The following ISX variants were observed in gnomAD, a reference collection of about 807,000 sequenced individuals.
The protein encoded by ISX is intestine-specific homeobox.
A neutral mutation model predicts 16.9 loss-of-function variants in ISX; 15 were observed. That is an observed-to-expected ratio of 0.89 (90% CI 0.59 to 1.36). The LOEUF (loss-of-function observed/expected upper bound fraction) is 1.36, where lower values mean the gene tolerates loss of function less well. Ranked by LOEUF, ISX falls within the 40% of genes most tolerant of loss-of-function variation. The probability of loss-of-function intolerance (pLI) is 0.00; values close to 1 mark genes in which losing one functional copy is unlikely to be tolerated. For missense variants in ISX, 316 were observed against 306.1 expected (o/e 1.03, Z -0.24); for synonymous variants, 125 against 119.7 (o/e 1.04, Z -0.29).
chr22:35,067,307 C>A lies in ISX; in HGVS notation c.220C>A (p.Gln74Lys). Residue 74 changes from glutamine (Q) to lysine (K), a missense_variant, in exon 2 of 5, where the codon CAG becomes AAG. By Grantham distance (53) the Gln-to-Lys change is moderately conservative. Coordinates refer to ENST00000404699, the MANE Select transcript of ISX (RefSeq NM_001303508.2). ...GSGLEKPPKD[Q>K]PQEGRKSKRR... Reference sequence around the variant, plus strand: ...TGGGCTAGAAAAGCCTCCAAAGGACCAGCCCCAGGGTAAGTGTCTTCTGAT... The same window carrying A: ...TGGGCTAGAAAAGCCTCCAAAGGACAAGCCCCAGGGTAAGTGTCTTCTGAT... 6.4e-7 allele frequency: 1 copy of A among 1,567,856 alleles called. No homozygotes were observed. Among genetic ancestry groups the A allele is most frequent in the Non-Finnish European group, 8.7e-7 (1 of 1,155,452 alleles).
chr22:35,074,182 A>G (rs1928924000), intron 2 of ISX, among the ~76,000 whole-genome samples: 1 of 152,186 alleles, frequency 6.6e-6, no homozygotes, highest in Non-Finnish European at 1.5e-5. Flanking sequence ...CAAGAGTTAC[A>G]TCAGCCTCCA....
At position 35,066,803 on chromosome 22, in the gene ISX, C is replaced by T; in HGVS notation, c.-285C>T. The T allele has an allele frequency of 2.6e-6, 1 of 386,848 alleles. No individual in the cohort carries two copies. Among genetic ancestry groups the T allele is most frequent in the Admixed American group, 4.0e-5 (1 of 24,900 alleles). The allele number at this position is 386,848 out of a possible 1,614,324, so 24.0% of individuals were successfully genotyped here. A position where few individuals can be genotyped will look rare whatever the true frequency, so the allele number is the denominator to read the frequency against. On this transcript the variant is annotated 5_prime_UTR_variant, in exon 2 of 5. Coordinates refer to ENST00000404699, the MANE Select transcript of ISX (RefSeq NM_001303508.2). Reference sequence around the variant, plus strand: ...GCAGGCAACTGTGTCCGAGAAGACCCTTCTCTGGAAGATTGAACCCCAATT... The same window carrying T: ...GCAGGCAACTGTGTCCGAGAAGACCTTTCTCTGGAAGATTGAACCCCAATT...
chr22:35,082,649 C>T lies in ISX; in HGVS notation c.361C>T (p.Leu121Phe). Residue 121 changes from leucine to phenylalanine, a missense_variant, in exon 3 of 5, where the codon CTC (leucine) becomes TTC (phenylalanine). Transcript: ENST00000404699. Reference sequence around the variant, plus strand: ...CAGCCAGCTGGCAGCCAGGATCAACCTCCCAGAAGCTCGGGTGCAGGTACA... The same window carrying T: ...CAGCCAGCTGGCAGCCAGGATCAACTTCCCAGAAGCTCGGGTGCAGGTACA... The part of the protein sequence containing the change: ...IRSQLAARIN[L>F]PEARVQIWFQ... 1 of 1,614,174 alleles carries T rather than the reference C, an allele frequency of 6.2e-7. No homozygotes were observed. Among genetic ancestry groups the T allele is most frequent in the Non-Finnish European group, 8.5e-7 (1 of 1,180,026 alleles).
intron 2 of ISX, among the ~76,000 whole-genome samples, chr22:35,070,918 A>C (rs1329958266): frequency 6.6e-6 from 1 of 152,262 alleles, no homozygotes; most frequent in Non-Finnish European, 1.5e-5. Context: ...CAACTCTTCT[A>C]TCACAGCTGA....
At chr22:35,081,457 G>GT (rs1929121944) in intron 2 of ISX, among the ~76,000 whole-genome samples, 1 of 152,216 alleles carries the variant, frequency 6.6e-6, no homozygotes, top group Non-Finnish European at 1.5e-5. Flanking sequence ...GTAATTGCAT[G>GT]TTTGAATCTC....
Position 35,084,372 on chromosome 22 carries a change from C to T in ISX, c.382-11C>T, listed in dbSNP as rs1435084807. The T allele has an allele frequency of 6.2e-6, 10 of 1,601,138 alleles. No homozygotes were observed. Among genetic ancestry groups the T allele is most frequent in the Non-Finnish European group, 8.6e-6 (10 of 1,169,300 alleles). On this transcript the variant is annotated splice_polypyrimidine_tract_variant and intron_variant, in intron 3 of 4. Transcript: ENST00000404699. Reference sequence around the variant, plus strand: ...CTCTTGCTTATCCCCGTCCTTTCTCCCTGATTACAGATCTGGTTCCAGAAT... The same window carrying T: ...CTCTTGCTTATCCCCGTCCTTTCTCTCTGATTACAGATCTGGTTCCAGAAT...
intron 2 of ISX, among the ~76,000 whole-genome samples, chr22:35,075,290 G>A (rs137985412): frequency 1.3e-5 from 2 of 152,356 alleles, no homozygotes; most frequent in African/African-American, 4.8e-5. Flanking sequence ...AGTGGCTGGA[G>A]TCTAAAATTC....
chr22:35,074,882 G>A (rs1601558062), intron 2 of ISX, among the ~76,000 whole-genome samples: 1 of 131,866 alleles, frequency 7.6e-6, no homozygotes, highest in African/African-American at 2.8e-5. Flanking sequence ...ACACACACAT[G>A]CATGCACGCA....
In ISX at chr22:35,067,092, G is replaced by A; in HGVS notation, c.5G>A (p.Cys2Tyr). 1 of 1,612,894 alleles carries A rather than the reference G, an allele frequency of 6.2e-7. No individual in the cohort carries two copies. The highest frequency in any genetic ancestry group is 8.5e-7 in the Non-Finnish European group (1 of 1,179,244). The change falls in exon 2 of 5, where the codon TGT becomes TAT. Residue 2 changes from cysteine (C) to tyrosine (Y), a missense_variant. Physicochemically the swap from Cys to Tyr is radical, Grantham distance 194. Coordinates refer to ENST00000404699, the MANE Select transcript of ISX (RefSeq NM_001303508.2). ...GAGTCACCCCTGAGCCCCTCAATGT[G>A]TGCTGAGGTGGGCCCTGCTCTCTGC... M[C>Y]AEVGPALCRG...
chr22:35,067,715 T>C (rs772365453), intron 2 of ISX, among the ~76,000 whole-genome samples: 1 of 152,174 alleles, frequency 6.6e-6, no homozygotes, highest in Non-Finnish European at 1.5e-5. Context: ...GTCCCCAAGT[T>C]ACACAGCTGG....
rs555550127 is a variant in ISX, at chr22:35,082,743, A to G, written c.381+74A>G. 1,745 of 1,515,746 alleles carry G rather than the reference A, an allele frequency of 1.2e-3. 1 individual carries two copies. The highest frequency in any genetic ancestry group is 1.4e-3 in the Non-Finnish European group (1,534 of 1,109,332). 93.9% of individuals were successfully genotyped at this position (1,515,746 alleles called of 1,614,324 possible). A position where few individuals can be genotyped will look rare whatever the true frequency, so the allele number is the denominator to read the frequency against. On this transcript the variant is annotated intron_variant, in intron 3 of 4. Transcript: ENST00000404699. ...TGTGTGAGACACAATATATCCAGGG[A>G]CTTTTCGGGTTGCCCCATCTAAAAG... is the stretch of plus-strand genomic sequence containing the variant.
In ISX at chr22:35,067,222, T is replaced by C. The variant is rs61739191; in HGVS notation, c.135T>C (p.Asp45=). 2.3e-3 allele frequency: 3,626 copies of C among 1,610,112 alleles called. 69 individuals carry two copies. In the African/African-American group the frequency reaches 0.04, roughly 18 times the overall value. The change falls in exon 2 of 5, where the codon GAT becomes GAC. Residue 45 remains aspartate, a synonymous_variant. Transcript: ENST00000404699. ...AILKRPARRS[D]MDRPEGPGEE... Reference sequence around the variant, plus strand: ...TAAAGAGGCCTGCCAGGAGGAGTGATATGGACAGACCAGAAGGGCCAGGTG... The same window carrying C: ...TAAAGAGGCCTGCCAGGAGGAGTGACATGGACAGACCAGAAGGGCCAGGTG...
intron 2 of ISX, among the ~76,000 whole-genome samples, chr22:35,067,739 C>T (rs1481164899): frequency 2.0e-5 from 3 of 152,140 alleles, no homozygotes; most frequent in Non-Finnish European, 2.9e-5. Flanking sequence ...ACAGAAGCCC[C>T]GCTATCAGGA....
In ISX at chr22:35,067,001, T is replaced by C; in HGVS notation, c.-87T>C. 1 of 981,836 alleles carries C rather than the reference T, an allele frequency of 1.0e-6. No individual in the cohort carries two copies. The highest frequency in any genetic ancestry group is 1.5e-6 in the Non-Finnish European group (1 of 646,222). 60.8% of individuals were successfully genotyped at this position (981,836 alleles called of 1,614,324 possible). A position where few individuals can be genotyped will look rare whatever the true frequency, so the allele number is the denominator to read the frequency against. ...CTGTTCTTCACCTCCACGCGCCCTC[T>C]TGACCCCAGGAGGTTCAGGGGAGGA... On this transcript the variant is annotated 5_prime_UTR_variant, in exon 2 of 5. Transcript: ENST00000404699.
intron 2 of ISX, among the ~76,000 whole-genome samples, chr22:35,078,229 T>C (rs2017543): frequency 0.079 from 11,911 of 151,600 alleles, 501 homozygotes; most frequent in Middle Eastern, 0.14. Flanking sequence ...TCATCTAATA[T>C]GCTGACTGAC....
Position 35,066,752 on chromosome 22 carries a change from G to T in ISX, c.-336G>T. ...GTTCGCCACTGGGCGGTGACCTCAGGGATCCTGGCCTAACCTGGTGATTGT... is the reference window on the plus strand; with the variant it reads ...GTTCGCCACTGGGCGGTGACCTCAGTGATCCTGGCCTAACCTGGTGATTGT... On this transcript the variant is annotated splice_region_variant and 5_prime_UTR_variant, in exon 2 of 5. Coordinates refer to ENST00000404699, the MANE Select transcript of ISX (RefSeq NM_001303508.2). The T allele has an allele frequency of 3.8e-6, 1 of 265,218 alleles. No individual in the cohort carries two copies. Among genetic ancestry groups the T allele is most frequent in the Non-Finnish European group, 7.1e-6 (1 of 140,434 alleles). The allele number at this position is 265,218 out of a possible 1,614,324, so 16.4% of individuals were successfully genotyped here. A position where few individuals can be genotyped will look rare whatever the true frequency, so the allele number is the denominator to read the frequency against.
chr22:35,082,311 T>A (rs1929138796), intron 2 of ISX, among the ~76,000 whole-genome samples: 1 of 152,218 alleles, frequency 6.6e-6, no homozygotes, highest in African/African-American at 2.4e-5. Flanking sequence ...ATGGTTAACT[T>A]GGCCTCAATG....
chr22:35,084,640 G>A (rs1929204466), intron 4 of ISX, 141 bp downstream of exon 4: 2 of 571,230 alleles, frequency 3.5e-6, no homozygotes, highest in South Asian at 2.4e-5. Flanking sequence ...AACAGCATGG[G>A]GCAAGGAGAA....
In ISX at chr22:35,072,539, T is replaced by G. The variant is rs549997215; in HGVS notation, c.229+5223T>G. On this transcript the variant is annotated intron_variant, in intron 2 of 4. Transcript: ENST00000404699. ...AAACCCTGGCAGTAAGAAGTAGATA[T>G]GGAGCATGGAAAGGTCTGGGTGATA... Among the ~76,000 whole-genome samples, 7 of 152,254 alleles carry G rather than the reference T, an allele frequency of 4.6e-5. No individual in the cohort carries two copies. In the South Asian group the frequency reaches 1.0e-3, roughly 23 times the overall value.
Sources: allele counts gnomAD v4.1 joint callset (sites outside exome capture counted in the v4.1 genomes callset), GRCh38; gene constraint gnomAD v4.1.1; transcripts MANE v1.5; gene names NCBI Gene and HGNC (gene_info 2026-07-23, HGNC 2026-07-21).